The following SUPT3H variants were observed in gnomAD, a reference collection of about 807,000 sequenced individuals.
SUPT3H encodes transcription initiation protein SPT3 homolog.
A neutral mutation model predicts 44.3 loss-of-function variants in SUPT3H; 44 were observed. The observed-to-expected ratio is 0.99, with a 90% CI of 0.78 to 1.28. The LOEUF is 1.28. Ranked by LOEUF, SUPT3H falls within the 50% of genes most tolerant of loss-of-function variation. The probability of loss-of-function intolerance (pLI) is 0.00; values close to 1 mark genes in which losing one functional copy is unlikely to be tolerated. For synonymous variants in SUPT3H, 124 were observed against 125.6 expected, an observed-to-expected ratio of 0.99 and a Z score of 0.09; for missense variants, 380 against 387.1, an observed-to-expected ratio of 0.98 and a Z score of 0.15.
intron 2 of SUPT3H, among the ~76,000 whole-genome samples, chr6:45,322,227 A>G (rs1205906646): frequency 6.6e-6 from 1 of 151,938 alleles, no homozygotes; most frequent in Admixed American, 6.6e-5. Context: ...TCATCCCATA[A>G]AAAGACTGAA....
At chr6:45,227,092 G>A (rs886608979) in intron 2 of SUPT3H, among the ~76,000 whole-genome samples, 1 of 151,100 alleles carries the variant, frequency 6.6e-6, no homozygotes, top group African/African-American at 2.4e-5. Flanking sequence ...GGATCATCCT[G>A]CTTCAGCCTC....
chr6:45,147,505 G>T (rs1316542251), intron 2 of SUPT3H, among the ~76,000 whole-genome samples: 3 of 152,080 alleles, frequency 2.0e-5, no homozygotes, highest in Non-Finnish European at 4.4e-5. Flanking sequence ...GGCCATAAAT[G>T]TGAAAAATAT....
chr6:45,157,401 C>T (rs1389177080), intron 2 of SUPT3H, among the ~76,000 whole-genome samples: 2 of 151,840 alleles, frequency 1.3e-5, no homozygotes, highest in Non-Finnish European at 2.9e-5. Flanking sequence ...AACTTGGCTG[C>T]ACATTAGACT....
At chr6:45,331,104 G>GGTGT (rs143223149) in intron 2 of SUPT3H, among the ~76,000 whole-genome samples, 4,957 of 149,646 alleles carry the variant, frequency 0.033, 146 homozygotes, top group African/African-American at 0.081. Flanking sequence ...TACAATGAGT[G>GGTGT]GTGTGTGTGT....
intron 3 of SUPT3H, chr6:45,098,832 C>T: frequency 1.8e-6 from 1 of 546,650 alleles, no homozygotes; most frequent in Non-Finnish European, 3.6e-6. Context: ...TCCAGGTTTC[C>T]ACAGGGCAGG....
chr6:45,246,899 C>A (rs988808293), intron 2 of SUPT3H, among the ~76,000 whole-genome samples: 1 of 152,120 alleles, frequency 6.6e-6, no homozygotes, highest in Non-Finnish European at 1.5e-5. Flanking sequence ...AAGTCAATAA[C>A]CAAACCTTCC....
At chr6:44,819,644 A>G (rs576567021) in intron 11 of SUPT3H, among the ~76,000 whole-genome samples, 4 of 152,080 alleles carry the variant, frequency 2.6e-5, no homozygotes, top group East Asian at 3.9e-4. Context: ...GAAAAAAAAA[A>G]TGCTGGGCAT....
rs1337554680 is a variant in SUPT3H at position 45,065,204 on chromosome 6, A to T, written c.186+40718T>A. 3.4e-4 allele frequency among the ~76,000 whole-genome samples: 51 copies of T among 151,724 alleles called. No individual in the cohort carries two copies. In the East Asian group the frequency reaches 9.1e-3, roughly 27 times the overall value. ...TGGAAACTGAACAACCTGCTCCTGA[A>T]TGACTACTGGGTACATAACGAAATG... On this transcript the variant is annotated intron_variant, in intron 3 of 10. Transcript: ENST00000371459.
intron 2 of SUPT3H, among the ~76,000 whole-genome samples, chr6:45,288,530 AAT>A (rs1779687965): frequency 2.1e-5 from 1 of 48,352 alleles, no homozygotes; most frequent in Non-Finnish European, 3.9e-5. Context: ...TAAGAGATAC[AAT>A]GTGTGTGTGT....
chr6:45,006,104 T>A (rs2153507336), intron 5 of SUPT3H, among the ~76,000 whole-genome samples: 1 of 152,226 alleles, frequency 6.6e-6, no homozygotes, highest in South Asian at 2.1e-4. Flanking sequence ...TTTGGGCTTT[T>A]AATGTTAAAT....
At chr6:45,083,315 C>T (rs895741645) in intron 3 of SUPT3H, among the ~76,000 whole-genome samples, 7 of 151,864 alleles carry the variant, frequency 4.6e-5, no homozygotes, top group South Asian at 2.1e-4. Flanking sequence ...CCTCAGCCTC[C>T]TGAGTAGCTG....
At chr6:45,335,019 A>G (rs1788272421) in intron 2 of SUPT3H, among the ~76,000 whole-genome samples, 1 of 151,326 alleles carries the variant, frequency 6.6e-6, no homozygotes, top group African/African-American at 2.4e-5. Context: ...GGCAAATATG[A>G]ATGGAATTAA....
At chr6:45,188,558 T>C (rs988556932) in intron 2 of SUPT3H, among the ~76,000 whole-genome samples, 2 of 152,172 alleles carry the variant, frequency 1.3e-5, no homozygotes, top group African/African-American at 4.8e-5. Flanking sequence ...CCTGCACAGA[T>C]AAGGGGAGAC....
At chr6:45,186,978 A>G (rs1233891048) in intron 2 of SUPT3H, among the ~76,000 whole-genome samples, 1 of 151,988 alleles carries the variant, frequency 6.6e-6, no homozygotes, top group East Asian at 1.9e-4. Flanking sequence ...CTAAAAGTAC[A>G]CAGGTTTAGG....
chr6:44,936,789 A>C (rs981553140), intron 9 of SUPT3H, among the ~76,000 whole-genome samples: 1 of 152,086 alleles, frequency 6.6e-6, no homozygotes, highest in Non-Finnish European at 1.5e-5. Flanking sequence ...TGCATAAGCC[A>C]CCCAAATAGC....
intron 10 of SUPT3H, among the ~76,000 whole-genome samples, chr6:44,848,268 C>T (rs1241533880): frequency 6.6e-6 from 1 of 152,148 alleles, no homozygotes; most frequent in Non-Finnish European, 1.5e-5. Flanking sequence ...CTGTACCCAG[C>T]CTGTGTCTTC....
chr6:45,355,392 ATTT>A (rs1296480188), intron 2 of SUPT3H, among the ~76,000 whole-genome samples: 1 of 151,708 alleles, frequency 6.6e-6, no homozygotes, highest in African/African-American at 2.4e-5. Context: ...AAAATACTTC[ATTT>A]ATTATAGAAT....
At chr6:44,867,800 C>T (rs189218671) in intron 10 of SUPT3H, among the ~76,000 whole-genome samples, 4 of 152,260 alleles carry the variant, frequency 2.6e-5, no homozygotes, top group South Asian at 2.1e-4. Flanking sequence ...AGTGGGCAGG[C>T]GTACCACAGC....
rs527426456 is a variant in SUPT3H, at chr6:45,284,477, T to C, written c.101+80724A>G. Among the ~76,000 whole-genome samples the C allele has an allele frequency of 3.3e-5, 5 of 152,142 alleles. No individual in the cohort carries two copies. In the East Asian group the frequency reaches 9.6e-4, roughly 29 times the overall value. On this transcript the variant is annotated intron_variant, in intron 2 of 10. Transcript: ENST00000371459. ...AATACTATAAACACCTCTACGCAAA[T>C]AAACTAGAAAATCTAGAAGAAATGG...
Sources: gnomAD v4.1 joint callset for allele counts (sites outside exome capture counted in the v4.1 genomes callset) on GRCh38, gnomAD v4.1.1 for gene constraint, MANE v1.5 for transcripts, NCBI Gene and HGNC (gene_info 2026-07-23, HGNC 2026-07-21) for gene names.